Variants in IFTAP observed in about 807,000 individuals in gnomAD.
IFTAP encodes intraflagellar transport associated protein.
Under a neutral mutation model 19.4 loss-of-function variants are expected in IFTAP, and 19 were observed. That is an observed-to-expected ratio of 0.98 (90% CI 0.68 to 1.44). The LOEUF is 1.44. Ranked by LOEUF, IFTAP falls within the 40% of genes most tolerant of loss-of-function variation. IFTAP has a pLI of 0.00. For synonymous variants in IFTAP, 85 were observed against 83.5 expected (o/e 1.02, Z -0.10); for missense variants, 240 against 253.6 (o/e 0.95, Z 0.36).
intron 5 of IFTAP, among the ~76,000 whole-genome samples, chr11:36,656,686 A>G (rs1256155574): frequency 6.6e-6 from 1 of 151,902 alleles, no homozygotes; most frequent in East Asian, 1.9e-4. Context: ...TCATTCCTAT[A>G]CTTTTGTCTT....
intron 1 of IFTAP, chr11:36,597,681 C>T (rs1851327508): frequency 6.6e-6 from 1 of 152,184 alleles, no homozygotes; most frequent in African/African-American, 2.4e-5. Flanking sequence ...TCTTGCTGAT[C>T]CGTGCTGGCC....
At chr11:36,642,234 C>T (rs1853243401) in intron 4 of IFTAP, among the ~76,000 whole-genome samples, 1 of 152,138 alleles carries the variant, frequency 6.6e-6, no homozygotes, top group Admixed American at 6.5e-5. Context: ...AACACCTCTA[C>T]ACAAATAAAC....
At chr11:36,594,899 C>G (rs997641603) in intron 1 of IFTAP, 1 of 152,248 alleles carries the variant, frequency 6.6e-6, no homozygotes, top group African/African-American at 2.4e-5. Flanking sequence ...AAAACTACAC[C>G]CCTGACGACC....
chr11:36,639,322 A>T (rs1853099772), intron 4 of IFTAP, among the ~76,000 whole-genome samples: 1 of 150,956 alleles, frequency 6.6e-6, no homozygotes, highest in African/African-American at 2.4e-5. Flanking sequence ...CAGCGGGTGT[A>T]CTTATGGTGT....
chr11:36,613,357 A>G (rs1851944118), intron 2 of IFTAP, among the ~76,000 whole-genome samples: 2 of 152,076 alleles, frequency 1.3e-5, no homozygotes, highest in Non-Finnish European at 2.9e-5. Flanking sequence ...TCTAGGTTAT[A>G]GAAACACTGA....
chr11:36,615,096 A>G (rs1323604607), intron 2 of IFTAP, among the ~76,000 whole-genome samples: 1 of 106,070 alleles, frequency 9.4e-6, no homozygotes, highest in Non-Finnish European at 1.9e-5. Context: ...TGATTTTTGT[A>G]TAAGGTGTAA....
chr11:36,631,792 A>C (rs774407718), intron 2 of IFTAP, among the ~76,000 whole-genome samples: 1 of 149,256 alleles, frequency 6.7e-6, no homozygotes, highest in Non-Finnish European at 1.5e-5. Context: ...TTCCTTTATC[A>C]CTCTTTTACT....
chr11:36,597,109 A>T (rs1046973436), intron 1 of IFTAP, among the ~76,000 whole-genome samples: 2 of 152,180 alleles, frequency 1.3e-5, no homozygotes, highest in African/African-American at 4.8e-5. Flanking sequence ...TAATTTTTAG[A>T]TTACTCACTT....
At chr11:36,621,698 T>G (rs552621462) in intron 2 of IFTAP, among the ~76,000 whole-genome samples, 9 of 152,122 alleles carry the variant, frequency 5.9e-5, no homozygotes, top group African/African-American at 1.4e-4. Flanking sequence ...ATTCCTTCTG[T>G]GTTTTAAGCA....
At chr11:36,606,701 A>G (rs991185883) in intron 1 of IFTAP, among the ~76,000 whole-genome samples, 3 of 152,206 alleles carry the variant, frequency 2.0e-5, no homozygotes, top group Admixed American at 1.3e-4. Context: ...GGAAACCACA[A>G]CCTGGCTGCA....
At chr11:36,618,291 C>G (rs1350550994) in intron 2 of IFTAP, among the ~76,000 whole-genome samples, 1 of 151,978 alleles carries the variant, frequency 6.6e-6, no homozygotes, top group East Asian at 1.9e-4. Context: ...TGGAGTTAGA[C>G]TATGGTCCTA....
chr11:36,651,483 T>G (rs1853725176), intron 5 of IFTAP, among the ~76,000 whole-genome samples: 1 of 152,196 alleles, frequency 6.6e-6, no homozygotes, highest in Non-Finnish European at 1.5e-5. Context: ...TTGCAAAAAT[T>G]TTCTCCCATT....
At chr11:36,638,693 A>G (rs1181194615) in intron 4 of IFTAP, among the ~76,000 whole-genome samples, 1 of 152,232 alleles carries the variant, frequency 6.6e-6, no homozygotes, top group African/African-American at 2.4e-5. Context: ...AGTTGCTTGT[A>G]TAATTTTGGC....
chr11:36,627,631 G>A (rs559224789), intron 2 of IFTAP, among the ~76,000 whole-genome samples: 1 of 151,312 alleles, frequency 6.6e-6, no homozygotes, highest in African/African-American at 2.5e-5. Context: ...CTGTTGCTCT[G>A]TTAGGAATTC....
chr11:36,641,889 T>C (rs1590227301), intron 4 of IFTAP, among the ~76,000 whole-genome samples: 2 of 152,104 alleles, frequency 1.3e-5, no homozygotes, highest in South Asian at 4.1e-4. Context: ...AAGTCTCCCA[T>C]TATTATTGTG....
chr11:36,610,210 T>A lies in IFTAP; in HGVS notation c.107T>A (p.Phe36Tyr). The change falls in exon 2 of 6, where the codon TTT becomes TAT. Residue 36 changes from phenylalanine (F) to tyrosine (Y), a missense_variant. Transcript: ENST00000334307. ...CATGAGCAAACATATGATGAAGAAT[T>A]TCTGAACACTTTTACTCATCTTTCA... ...NCHEQTYDEEFLNTFTHLSQE... is the reference protein window; with the variant it reads ...NCHEQTYDEEYLNTFTHLSQE... The A allele has an allele frequency of 1.9e-6, 3 of 1,609,962 alleles. No homozygotes were observed. The highest frequency in any genetic ancestry group is 2.5e-6 in the Non-Finnish European group (3 of 1,176,628).
intron 2 of IFTAP, among the ~76,000 whole-genome samples, chr11:36,630,190 G>T (rs1852677337): frequency 6.6e-6 from 1 of 151,274 alleles, no homozygotes; most frequent in Non-Finnish European, 1.5e-5. Flanking sequence ...CTGCCATTTT[G>T]ACATTATCAT....
At chr11:36,624,060 A>ATGC (rs1473218759) in intron 2 of IFTAP, among the ~76,000 whole-genome samples, 4 of 152,104 alleles carry the variant, frequency 2.6e-5, no homozygotes, top group Non-Finnish European at 2.9e-5. Flanking sequence ...AAGGAAGAAG[A>ATGC]TGCATGTAGG....
intron 2 of IFTAP, among the ~76,000 whole-genome samples, chr11:36,623,715 A>G (rs564629239): frequency 6.6e-6 from 1 of 152,308 alleles, no homozygotes; most frequent in South Asian, 2.1e-4. Context: ...GTACACAGAC[A>G]AGAGACTAGG....
Sources: gnomAD v4.1 joint callset for allele counts (sites outside exome capture counted in the v4.1 genomes callset) on GRCh38, gnomAD v4.1.1 for gene constraint, MANE v1.5 for transcripts, NCBI Gene and HGNC (gene_info 2026-07-23, HGNC 2026-07-21) for gene names.